The following NEB variants were observed in gnomAD, a reference collection of about 807,000 sequenced individuals.
NEB encodes nebulin.
A neutral mutation model predicts 952.2 loss-of-function variants in NEB; 512 were observed. The ratio of observed to expected loss-of-function variants is 0.54; its 90% CI spans 0.50 to 0.58. NEB has a LOEUF of 0.58. NEB is among the 20% of genes least tolerant of loss of function. The pLI, the probability that NEB is intolerant of heterozygous loss-of-function variation, is 0.00. For synonymous variants in NEB, 2,900 were observed against 3,149.8 expected, an observed-to-expected ratio of 0.92 and a Z score of 2.66; for missense variants, 8,428 against 9,231.1, an observed-to-expected ratio of 0.91 and a Z score of 3.56.
At chr2:151,653,962 T>C (rs767135418) in intron 52 of NEB, 30 bp downstream of exon 52, 28 of 1,430,166 alleles carry the variant, frequency 2.0e-5, no homozygotes, top group Non-Finnish European at 2.7e-5. Flanking sequence ...GATAAAAATA[T>C]AGCCTTATAG....
chr2:151,710,359 G>A, intron 11 of NEB, 75 bp downstream of exon 11: 1 of 961,732 alleles, frequency 1.0e-6, no homozygotes, highest in South Asian at 1.6e-5. Context: ...TTCAGGTAGA[G>A]CAAGTAGCTA....
chr2:151,509,381 A>C (rs566536629), intron 161 of NEB, among the ~76,000 whole-genome samples: 150 of 152,258 alleles, frequency 9.9e-4, no homozygotes, highest in African/African-American at 3.5e-3. Flanking sequence ...CTTTTATTTT[A>C]TTTTTATTGT....
At position 151,619,674 on chromosome 2, in the gene NEB, A is replaced by G. The variant is rs1431485223; in HGVS notation, c.10649T>C (p.Leu3550Pro). 1 of 1,613,926 alleles carries G rather than the reference A, an allele frequency of 6.2e-7. No individual in the cohort carries two copies. The highest frequency in any genetic ancestry group is 8.5e-7 in the Non-Finnish European group (1 of 1,179,838). Reference sequence around the variant, plus strand: ...GTCACTCTGCACTTTGGCAATGTGGAGGGACCACATTATCTTGGGGTCATC... The same window carrying G: ...GTCACTCTGCACTTTGGCAATGTGGGGGGACCACATTATCTTGGGGTCATC... Reference protein sequence around the residue: ...VHDDPKIMWSLHIAKVQSDRE... With the variant: ...VHDDPKIMWSPHIAKVQSDRE... The change falls in exon 73 of 182, where the codon CTC (leucine) becomes CCC (proline). Residue 3550 changes from leucine to proline, a missense_variant. Transcript: ENST00000397345.
rs1001059756 is a variant in NEB at position 151,609,885 on chromosome 2, T to C, written c.12254A>G (p.Tyr4085Cys). ...CGGCATGCATGTCCATTCATGCAGGTAATTGCGATAATCAATGTCAGTGAC... is the reference window on the plus strand; with the variant it reads ...CGGCATGCATGTCCATTCATGCAGGCAATTGCGATAATCAATGTCAGTGAC... The part of the protein sequence containing the change: ...TLVTDIDYRN[Y>C]LHEWTCMPDQ... The change falls in exon 81 of 182, where the codon TAC becomes TGC. Residue 4085 changes from tyrosine to cysteine, a missense_variant. Coordinates refer to ENST00000397345, the MANE Select transcript of NEB (RefSeq NM_001164508.2). The C allele has an allele frequency of 3.1e-6, 5 of 1,613,406 alleles. No individual in the cohort carries two copies. Among genetic ancestry groups the C allele is most frequent in the Non-Finnish European group, 3.4e-6 (4 of 1,179,522 alleles).
At chr2:151,651,485 T>A (rs2099029127) in intron 52 of NEB, among the ~76,000 whole-genome samples, 1 of 152,218 alleles carries the variant, frequency 6.6e-6, no homozygotes, top group Non-Finnish European at 1.5e-5. Context: ...GGTTACGTCA[T>A]ATAACCTTGT....
At chr2:151,501,924 T>G (rs535870667) in intron 167 of NEB, among the ~76,000 whole-genome samples, 3 of 152,256 alleles carry the variant, frequency 2.0e-5, no homozygotes, top group Admixed American at 6.5e-5. Flanking sequence ...TACTGAAAGT[T>G]TTCCAAAGGA....
rs747725529 is a variant in NEB at position 151,610,881 on chromosome 2, G to A, written c.11806-15C>T. 40 of 1,481,884 alleles carry A rather than the reference G, an allele frequency of 2.7e-5. No individual in the cohort carries two copies. The highest frequency in any genetic ancestry group is 1.8e-4 in the Middle Eastern group (1 of 5,706). The allele number at this position is 1,481,884 out of a possible 1,614,324, so 91.8% of individuals were successfully genotyped here. ...GTGTATAAATGCTACAGGGCAGGGC[G>A]GCATGGGGCATGGGGAGAGGGAGGG... On this transcript the variant is annotated splice_polypyrimidine_tract_variant and intron_variant, in intron 78 of 181. Coordinates refer to ENST00000397345, the MANE Select transcript of NEB (RefSeq NM_001164508.2).
chr2:151,624,012 T>A (rs2098468890), intron 71 of NEB, among the ~76,000 whole-genome samples: 1 of 152,120 alleles, frequency 6.6e-6, no homozygotes, highest in Non-Finnish European at 1.5e-5. Context: ...AATGAGAATT[T>A]AAGAGGAAAA....
Position 151,650,858 on chromosome 2 carries a change from G to A in NEB, c.6943C>T (p.Gln2315Ter). 1 of 1,612,894 alleles carries A rather than the reference G, an allele frequency of 6.2e-7. No individual in the cohort carries two copies. Among genetic ancestry groups the A allele is most frequent in the East Asian group, 2.2e-5 (1 of 44,868 alleles). ...CGGAATCCAACATGGTGGCCAAGTT[G>A]CTTTCGGTAGCCTTGTTTGTATTTA... The part of the protein sequence containing the change: ...DYKYKQGYRK[Q>*]LGHHVGFRSL... The change falls in exon 53 of 182, where the codon CAA becomes TAA. Residue 2315 changes from glutamine (Q) to a stop codon, truncating the protein, a stop_gained. Coordinates refer to ENST00000397345, the MANE Select transcript of NEB (RefSeq NM_001164508.2). LOFTEE classifies it high-confidence loss of function.
intron 65 of NEB, among the ~76,000 whole-genome samples, chr2:151,631,997 A>T (rs1022809809): frequency 6.6e-6 from 1 of 152,190 alleles, no homozygotes; most frequent in Admixed American, 6.5e-5. Flanking sequence ...GAGATCTTCA[A>T]CAGCTGTAAC....
At chr2:151,612,018 G>A (rs186033390) in intron 78 of NEB, among the ~76,000 whole-genome samples, 168 bp downstream of exon 78, 11 of 152,276 alleles carry the variant, frequency 7.2e-5, no homozygotes, top group African/African-American at 2.2e-4. Flanking sequence ...GGGGCAGGGT[G>A]TTGAGAAGAG....
chr2:151,695,543 A>C, intron 18 of NEB, 35 bp downstream of exon 18: 1 of 1,456,144 alleles, frequency 6.9e-7, no homozygotes, highest in South Asian at 1.2e-5. Flanking sequence ...ACAGGTTGTC[A>C]GTACATCACA....
intron 37 of NEB, among the ~76,000 whole-genome samples, chr2:151,672,045 T>C (rs1559083088): frequency 6.6e-6 from 1 of 152,120 alleles, no homozygotes; most frequent in Non-Finnish European, 1.5e-5. Flanking sequence ...TATTTTTGCA[T>C]TTTGTATCTA....
intron 54 of NEB, among the ~76,000 whole-genome samples, chr2:151,649,613 C>T (rs916148959): frequency 1.3e-5 from 2 of 152,096 alleles, no homozygotes; most frequent in African/African-American, 4.8e-5. Flanking sequence ...TTACTCCACC[C>T]TGCTATATTT....
At chr2:151,685,017 T>C (rs1253214922) in intron 27 of NEB, 42 bp from the exon 28 acceptor site, 1 of 1,493,142 alleles carries the variant, frequency 6.7e-7, no homozygotes, top group Admixed American at 1.9e-5. Flanking sequence ...AAATCCTCGA[T>C]GGATTTCCAG....
Position 151,537,143 on chromosome 2 carries a change from G to T in NEB, c.21196C>A (p.Leu7066Ile), listed in dbSNP as rs1428589113. ...DFTLAEKNKT[L>I]YSKYKYKEVF... ...TTGAGTATATATACCTTGCTGTAGA[G>T]AGTCTTGTTCTTTTCAGCCAGAGTG... The change falls in exon 141 of 182, where the codon CTC (leucine) becomes ATC (isoleucine). Residue 7066 changes from leucine to isoleucine, a missense_variant. Leu to Ile is a conservative substitution (Grantham distance 5, BLOSUM62 2). Around this residue, in one of 11 missense-constraint regions of NEB, gnomAD observed 3,374 missense variants for 3,651.5 expected, o/e 0.92. Coordinates refer to ENST00000397345, the MANE Select transcript of NEB (RefSeq NM_001164508.2). 5.0e-6 allele frequency: 8 copies of T among 1,608,434 alleles called. No homozygotes were observed. Among genetic ancestry groups the T allele is most frequent in the African/African-American group, 1.3e-5 (1 of 74,762 alleles).
chr2:151,541,330 T>G (rs2094023402), intron 136 of NEB, 117 bp downstream of exon 136: 1 of 684,188 alleles, frequency 1.5e-6, no homozygotes, highest in Admixed American at 2.5e-5. Context: ...TTAATGGGCA[T>G]GAGGTTGCAG....
chr2:151,503,002 T>C (rs2065900634), intron 166 of NEB, 117 bp from the exon 167 acceptor site: 3 of 644,952 alleles, frequency 4.7e-6, no homozygotes, highest in South Asian at 1.9e-5. Flanking sequence ...AAGTAATATT[T>C]AGTAAGGATA....
intron 71 of NEB, among the ~76,000 whole-genome samples, chr2:151,624,773 CCTT>C (rs1237329451): frequency 6.6e-6 from 1 of 152,112 alleles, no homozygotes; most frequent in Non-Finnish European, 1.5e-5. Context: ...AAATTAGTAT[CCTT>C]CTTGAATCAA....
Sources: gnomAD v4.1 joint callset for allele counts (sites outside exome capture counted in the v4.1 genomes callset) on GRCh38, gnomAD v4.1.1 for gene constraint, gnomAD v4.1.1 regional missense constraint, MANE v1.5 for transcripts, NCBI Gene and HGNC (gene_info 2026-07-23, HGNC 2026-07-21) for gene names.